The following NAV1 variants were observed in gnomAD, a reference collection of about 807,000 sequenced individuals.
NAV1 encodes neuron navigator 1.
NAV1 carries 18 observed loss-of-function variants against 175.2 expected under a neutral mutation model. The observed-to-expected ratio is 0.10, with a 90% CI of 0.07 to 0.15. NAV1 has a LOEUF of 0.15. NAV1 is among the 10% of genes least tolerant of loss of function. The pLI, the probability that NAV1 is intolerant of heterozygous loss-of-function variation, is 1.00. For synonymous variants in NAV1, 897 were observed against 978.7 expected, an observed-to-expected ratio of 0.92 and a Z score of 1.56; for missense variants, 1,731 against 2,436.6, an observed-to-expected ratio of 0.71 and a Z score of 6.10.
In NAV1 at chr1:201,703,113, T is replaced by G. The variant is rs188008629; in HGVS notation, c.758-9704T>G. ...TTTGCCTGCAGATGGTTCTCTCTGC[T>G]GTGTAAACTGTTGCCATAACAACCA... On this transcript the variant is annotated intron_variant, in intron 1 of 29. Coordinates refer to ENST00000367296, the Ensembl canonical transcript of NAV1. Among the ~76,000 whole-genome samples, 1,321 of 152,292 alleles carry G rather than the reference T, an allele frequency of 8.7e-3. 45 individuals are homozygous for G. In the East Asian group the frequency reaches 0.092, roughly 11 times the overall value.
intron 2 of NAV1, among the ~76,000 whole-genome samples, chr1:201,597,272 C>T (rs891490661): frequency 1.3e-5 from 2 of 152,200 alleles, no homozygotes; most frequent in Non-Finnish European, 2.9e-5. Context: ...GGAGAGGGAG[C>T]ATTCTAGGTC....
intron 1 of NAV1, among the ~76,000 whole-genome samples, chr1:201,580,949 C>T (rs1666838770): frequency 6.6e-6 from 1 of 152,000 alleles, no homozygotes; most frequent in African/African-American, 2.4e-5. Flanking sequence ...GGGCATCCCA[C>T]CAGGCAACAC....
intron 2 of NAV1, among the ~76,000 whole-genome samples, chr1:201,634,454 G>C (rs1668560044): frequency 6.6e-6 from 1 of 152,172 alleles, no homozygotes; most frequent in Non-Finnish European, 1.5e-5. Context: ...CCTCACTGGA[G>C]GGGAAGATGA....
chr1:201,799,039 G>A (rs933461132), intron 15 of NAV1, among the ~76,000 whole-genome samples: 1 of 151,360 alleles, frequency 6.6e-6, no homozygotes, highest in Non-Finnish European at 1.5e-5. Flanking sequence ...AGTACTGTGG[G>A]AGAATGTTCT....
intron 3 of NAV1, among the ~76,000 whole-genome samples, chr1:201,755,298 AGGC>A (rs1394587353): frequency 1.3e-5 from 2 of 152,218 alleles, no homozygotes; most frequent in African/African-American, 4.8e-5. Context: ...AAAATTAGCC[AGGC>A]ATGGTGGCAC....
exon 11 of NAV1, chr1:201,789,788 C>T: frequency 6.2e-7 from 1 of 1,613,874 alleles, no homozygotes; most frequent in Non-Finnish European, 8.5e-7. Flanking sequence ...TCCACCTACT[C>T]CTCAGTAAGA....
chr1:201,653,092 T>C (rs2102340265), intron 1 of NAV1, among the ~76,000 whole-genome samples: 1 of 152,356 alleles, frequency 6.6e-6, no homozygotes, highest in Middle Eastern at 3.4e-3. Context: ...TTCTACCAAA[T>C]GTATTACTTT....
chr1:201,780,335 G>C, intron 3 of NAV1, 86 bp from the exon 8 acceptor site: 1 of 1,532,576 alleles, frequency 6.5e-7, no homozygotes, highest in South Asian at 1.2e-5. Context: ...TACTGGTGCA[G>C]AGCCATTCTT....
intron 2 of NAV1, among the ~76,000 whole-genome samples, chr1:201,596,353 CT>C: frequency 6.6e-6 from 1 of 152,208 alleles, no homozygotes; most frequent in East Asian, 1.9e-4. Context: ...CTCTTCCCTT[CT>C]TTGGGGTACC....
chr1:201,752,969 A>C (rs935187786), intron 3 of NAV1, among the ~76,000 whole-genome samples: 1 of 152,078 alleles, frequency 6.6e-6, no homozygotes, highest in Admixed American at 6.5e-5. Flanking sequence ...GTTATTGGAA[A>C]TCTTCACATT....
intron 1 of NAV1, among the ~76,000 whole-genome samples, chr1:201,658,038 A>G (rs1193308771): frequency 6.6e-6 from 1 of 152,160 alleles, no homozygotes; most frequent in Non-Finnish European, 1.5e-5. Context: ...GTGTGAATAC[A>G]GGTAATCTGC....
chr1:201,647,774 TG>T (rs1415502354), upstream of NAV1, among the ~76,000 whole-genome samples: 1 of 152,000 alleles, frequency 6.6e-6, no homozygotes, highest in African/African-American at 2.4e-5. Flanking sequence ...ATGAGCACCC[TG>T]GATACCATTC....
chr1:201,686,349 C>T (rs938158349), intron 1 of NAV1, among the ~76,000 whole-genome samples: 6 of 152,082 alleles, frequency 3.9e-5, no homozygotes, highest in Non-Finnish European at 7.3e-5. Context: ...AACATTATCT[C>T]TCACACCTTC....
chr1:201,825,850 C>T (rs542503851), exon 30 of NAV1: 9 of 152,328 alleles, frequency 5.9e-5, no homozygotes, highest in Admixed American at 3.9e-4. Flanking sequence ...TTAGTAGATA[C>T]GGAGTTTTGC....
At chr1:201,628,938 C>T (rs1440548512) in intron 1 of NAV1, among the ~76,000 whole-genome samples, 1 of 152,160 alleles carries the variant, frequency 6.6e-6, no homozygotes, top group Non-Finnish European at 1.5e-5. Flanking sequence ...CGAGCAAGCC[C>T]AAAGCCTGTG....
At chr1:201,597,577 G>C (rs367852962) in intron 2 of NAV1, among the ~76,000 whole-genome samples, 8 of 151,904 alleles carry the variant, frequency 5.3e-5, no homozygotes, top group Non-Finnish European at 2.9e-5. Context: ...GTGCTCCACC[G>C]GGCTGAGGGC....
intron 1 of NAV1, among the ~76,000 whole-genome samples, chr1:201,582,716 C>T (rs1447708805): frequency 6.6e-6 from 1 of 152,204 alleles, no homozygotes; most frequent in Non-Finnish European, 1.5e-5. Context: ...GAGAGGTGGG[C>T]TTACGTGAGG....
chr1:201,735,776 A>G (rs2102537344), intron 3 of NAV1, among the ~76,000 whole-genome samples: 1 of 152,344 alleles, frequency 6.6e-6, no homozygotes, highest in African/African-American at 2.4e-5. Flanking sequence ...ATTTTCTTAG[A>G]CATCTGTCAA....
At chr1:201,551,736 G>A (rs1035650566) in intron 1 of NAV1, among the ~76,000 whole-genome samples, 4 of 152,074 alleles carry the variant, frequency 2.6e-5, no homozygotes, top group South Asian at 4.1e-4. Flanking sequence ...AAAAAATAAC[G>A]TAAAAGTGTT....
Sources: allele counts gnomAD v4.1 joint callset (sites outside exome capture counted in the v4.1 genomes callset), GRCh38; gene constraint gnomAD v4.1.1; transcripts MANE v1.5; gene names NCBI Gene and HGNC (gene_info 2026-07-23, HGNC 2026-07-21).